Variants in POMGNT2 observed in about 807,000 individuals in gnomAD.
POMGNT2 encodes protein O-linked-mannose beta-1,4-N-acetylglucosaminyltransferase 2.
POMGNT2 carries 32 observed loss-of-function variants against 37.8 expected under a neutral mutation model. That is an observed-to-expected ratio of 0.85 (90% CI 0.64 to 1.14). POMGNT2 has a LOEUF of 1.14. Ranked by LOEUF, POMGNT2 falls within the 50% of genes most tolerant of loss-of-function variation. The probability of loss-of-function intolerance (pLI) is 0.00; values close to 1 mark genes in which losing one functional copy is unlikely to be tolerated. For synonymous variants in POMGNT2, 340 were observed against 336.8 expected, an observed-to-expected ratio of 1.01 and a Z score of -0.10; for missense variants, 705 against 780.6, an observed-to-expected ratio of 0.90 and a Z score of 1.15.
At chr3:43,091,291 A>G (rs1465099374) in intron 1 of POMGNT2, among the ~76,000 whole-genome samples, 1 of 152,206 alleles carries the variant, frequency 6.6e-6, no homozygotes, top group Non-Finnish European at 1.5e-5. Context: ...ATGGGGAGAC[A>G]GTGAAAAGGC....
intron 1 of POMGNT2, among the ~76,000 whole-genome samples, chr3:43,100,821 T>A (rs2090013310): frequency 6.6e-6 from 1 of 152,186 alleles, no homozygotes; most frequent in African/African-American, 2.4e-5. Context: ...TCTAGTATAT[T>A]CCTCAATGTC....
chr3:43,089,498 T>C (rs1023712606), intron 1 of POMGNT2, among the ~76,000 whole-genome samples: 46 of 152,094 alleles, frequency 3.0e-4, no homozygotes, highest in African/African-American at 9.7e-4. Flanking sequence ...TTCTAGGCAA[T>C]AGGGAGCTAT....
chr3:43,085,569 A>G (rs1297731542), intron 1 of POMGNT2, among the ~76,000 whole-genome samples: 1 of 151,930 alleles, frequency 6.6e-6, no homozygotes, highest in Admixed American at 6.6e-5. Context: ...CTCTCCCATG[A>G]TTGTGAGGCC....
chr3:43,105,189 C>T (rs1300566492), intron 1 of POMGNT2, among the ~76,000 whole-genome samples: 1 of 152,194 alleles, frequency 6.6e-6, no homozygotes, highest in African/African-American at 2.4e-5. Context: ...GCAGAGAGTT[C>T]CCATCAGTGA....
Position 43,079,869 on chromosome 3 carries a change from CT to C in POMGNT2, c.1562del (p.Lys521SerfsTer94), listed in dbSNP as rs1472579286. The C allele has an allele frequency of 5.0e-6, 8 of 1,614,198 alleles. No homozygotes were observed. The highest frequency in any genetic ancestry group is 6.8e-6 in the Non-Finnish European group (8 of 1,180,020). ...NLKYLKVREV[K>X]YEVWLQEQGE... The stretch of plus-strand genomic sequence containing the variant: ...CCTGCTCCTGCAGCCACACCTCGTA[CT>C]TCACCTCCCTCACCTTCAGGTATTT... On this transcript the variant is annotated frameshift_variant, in exon 2 of 2. Coordinates refer to ENST00000344697, the MANE Select transcript of POMGNT2 (RefSeq NM_032806.6). LOFTEE classifies it high-confidence loss of function.
At chr3:43,082,503 C>T (rs191397863) in intron 1 of POMGNT2, among the ~76,000 whole-genome samples, 1 of 152,286 alleles carries the variant, frequency 6.6e-6, no homozygotes, top group East Asian at 1.9e-4. Flanking sequence ...AATGCCCTCT[C>T]CCATATACAC....
intron 1 of POMGNT2, among the ~76,000 whole-genome samples, chr3:43,103,812 T>G (rs2090036779): frequency 6.6e-6 from 1 of 152,196 alleles, no homozygotes; most frequent in South Asian, 2.1e-4. Flanking sequence ...AGCAGCTAAG[T>G]GACCTTAGGC....
chr3:43,086,258 A>G (rs546005256), intron 1 of POMGNT2, among the ~76,000 whole-genome samples: 1 of 152,312 alleles, frequency 6.6e-6, no homozygotes, highest in Admixed American at 6.5e-5. Flanking sequence ...TTTCTTCTGT[A>G]TATAAATTAG....
chr3:43,096,255 A>G (rs1192386875), intron 1 of POMGNT2, among the ~76,000 whole-genome samples: 2 of 152,090 alleles, frequency 1.3e-5, no homozygotes, highest in Admixed American at 6.5e-5. Context: ...GCTACCAAGG[A>G]TCCAATCGGC....
rs1462226854 is a variant in POMGNT2 at position 43,105,859 on chromosome 3, G to T, written c.-129C>A. On this transcript the variant is annotated 5_prime_UTR_variant, in exon 1 of 2. Coordinates refer to ENST00000344697, the MANE Select transcript of POMGNT2 (RefSeq NM_032806.6). ...ACCTGAAGCCTGGACTCCGCGGGAC[G>T]AAGCCACCTCCGCCGACGCGTCCAG... 1 of 151,786 alleles carries T rather than the reference G, an allele frequency of 6.6e-6. No individual in the cohort carries two copies. Among genetic ancestry groups the T allele is most frequent in the East Asian group, 2.0e-4 (1 of 5,120 alleles). The allele number at this position is 151,786 out of a possible 1,614,324, so 9.4% of individuals were successfully genotyped here. A position where few individuals can be genotyped will look rare whatever the true frequency, so the allele number is the denominator to read the frequency against.
At chr3:43,102,474 G>C (rs1559421858) in intron 1 of POMGNT2, among the ~76,000 whole-genome samples, 1 of 152,230 alleles carries the variant, frequency 6.6e-6, no homozygotes, top group Non-Finnish European at 1.5e-5. Context: ...TGGGAAGCCA[G>C]AGAAAACAAA....
chr3:43,081,080 C>T lies in POMGNT2; in HGVS notation c.352G>A (p.Asp118Asn), dbSNP rs2089849978. Residue 118 changes from aspartate to asparagine, a missense_variant, in exon 2 of 2, where the codon GAC becomes AAC. Transcript: ENST00000344697. ...TTGTGGTCCTCCACGGTGGATAGGTCGAGCAGGGCTGGCTGGAAGCGCCGG... is the reference window on the plus strand; with the variant it reads ...TTGTGGTCCTCCACGGTGGATAGGTTGAGCAGGGCTGGCTGGAAGCGCCGG... The part of the protein sequence containing the change: ...GSRRFQPALL[D>N]LSTVEDHNTQ... 8.7e-6 allele frequency: 14 copies of T among 1,614,182 alleles called. No homozygotes were observed. The highest frequency in any genetic ancestry group is 1.1e-5 in the Non-Finnish European group (13 of 1,180,038).
chr3:43,080,403 G>T lies in POMGNT2; in HGVS notation c.1029C>A (p.Ser343Arg). ...TGGTGACCAGCTGGGCCCCATGCATGCTGACCAGCATGGAGGCATTGCTGA... is the reference window on the plus strand; with the variant it reads ...TGGTGACCAGCTGGGCCCCATGCATTCTGACCAGCATGGAGGCATTGCTGA... ...RLVSNASMLV[S>R]MHGAQLVTTL... The change falls in exon 2 of 2, where the codon AGC becomes AGA. Residue 343 changes from serine to arginine, a missense_variant. Coordinates refer to ENST00000344697, the MANE Select transcript of POMGNT2 (RefSeq NM_032806.6). 3.1e-6 allele frequency: 5 copies of T among 1,614,160 alleles called. No homozygotes were observed. Among genetic ancestry groups the T allele is most frequent in the Non-Finnish European group, 4.2e-6 (5 of 1,180,028 alleles).
chr3:43,080,697 A>G lies in POMGNT2; in HGVS notation c.735T>C (p.Tyr245=), dbSNP rs1166092441. Residue 245 remains tyrosine, a synonymous_variant, in exon 2 of 2, where the codon TAT becomes TAC. Transcript: ENST00000344697. ...TCGGGCCCTGGGGCTGCACAAAGCC[A>G]TACTGGTACCAGGTAGTGATCTTGG... ...GLSKITTWYQ[Y]GFVQPQGPKA... The G allele has an allele frequency of 2.5e-6, 4 of 1,614,044 alleles. No homozygotes were observed. The South Asian group carries it at 4.4e-5, about 18-fold the overall frequency.
intron 1 of POMGNT2, among the ~76,000 whole-genome samples, chr3:43,105,538 G>A (rs1036952320): frequency 1.3e-5 from 2 of 151,894 alleles, no homozygotes; most frequent in Non-Finnish European, 2.9e-5. Flanking sequence ...GAACTGGCAA[G>A]CCCCAGGGCG....
rs2090055311 is a variant in POMGNT2, at chr3:43,105,833, T to C, written c.-106+3A>G. The C allele has an allele frequency of 6.6e-6, 1 of 151,640 alleles. No individual in the cohort carries two copies. The highest frequency in any genetic ancestry group is 1.5e-5 in the Non-Finnish European group (1 of 67,872). The allele number at this position is 151,640 out of a possible 1,614,324, so 9.4% of individuals were successfully genotyped here. A position where few individuals can be genotyped will look rare whatever the true frequency, so the allele number is the denominator to read the frequency against. On this transcript the variant is annotated splice_donor_region_variant and intron_variant, in intron 1 of 1. Transcript: ENST00000344697. Reference sequence around the variant, plus strand: ...TCCAGCCCCAAGCGCGCGCGCGTCTTACCTGAAGCCTGGACTCCGCGGGAC... The same window carrying C: ...TCCAGCCCCAAGCGCGCGCGCGTCTCACCTGAAGCCTGGACTCCGCGGGAC...
At position 43,098,146 on chromosome 3, in the gene POMGNT2, G is replaced by A. The variant is rs1333476212; in HGVS notation, c.-106+7690C>T. On this transcript the variant is annotated intron_variant, in intron 1 of 1. Transcript: ENST00000344697. The surrounding 1 kb of genome is among the most constrained non-coding windows in gnomAD (Gnocchi z 4.3). ...ACTTTCACAGCAATTTGACTTTTAA[G>A]GATTGTTCACACTTCCAATTGAAAA... Among the ~76,000 whole-genome samples the A allele has an allele frequency of 1.3e-5, 2 of 152,194 alleles. No homozygotes were observed. Among genetic ancestry groups the A allele is most frequent in the Non-Finnish European group, 2.9e-5 (2 of 68,030 alleles).
Position 43,083,297 on chromosome 3 carries a change from C to T in POMGNT2, c.-105-1761G>A, listed in dbSNP as rs143458769. ...CTTAATTAACTTTCCGACCTACTCA[C>T]CAGGTTGGCAACTTACTGTTTAAAA... On this transcript the variant is annotated intron_variant, in intron 1 of 1. Transcript: ENST00000344697. 9.4e-3 allele frequency among the ~76,000 whole-genome samples: 1,436 copies of T among 152,250 alleles called. 11 individuals are homozygous for T. The highest frequency in any genetic ancestry group is 0.044 in the Middle Eastern group (13 of 294).
Position 43,079,623 on chromosome 3 carries a change from A to G in POMGNT2, c.*66T>C. ...AGTTCCCAGAAGTCTCCACAGTGGG[A>G]TTAATGGGCCCAGGGACGCTGAACT... On this transcript the variant is annotated 3_prime_UTR_variant, in exon 2 of 2. Transcript: ENST00000344697. 1 of 1,426,608 alleles carries G rather than the reference A, an allele frequency of 7.0e-7. No homozygotes were observed. Among genetic ancestry groups the G allele is most frequent in the South Asian group, 1.3e-5 (1 of 76,366 alleles). The allele number at this position is 1,426,608 out of a possible 1,614,324, so 88.4% of individuals were successfully genotyped here.
Sources: allele counts gnomAD v4.1 joint callset (sites outside exome capture counted in the v4.1 genomes callset), GRCh38; gene constraint gnomAD v4.1.1; non-coding constraint Gnocchi (gnomAD v3.1); transcripts MANE v1.5; gene names NCBI Gene and HGNC (gene_info 2026-07-23, HGNC 2026-07-21).